Variants in RABGAP1L observed in about 807,000 individuals in gnomAD.
RABGAP1L encodes the protein RAB GTPase activating protein 1 like, also known as rab GTPase-activating protein 1-like.
RABGAP1L carries 63 observed loss-of-function variants against 137.7 expected under a neutral mutation model. The observed-to-expected ratio is 0.46, with a 90% CI of 0.37 to 0.56. The LOEUF is 0.56. RABGAP1L is among the 20% of genes least tolerant of loss of function. The pLI, the probability that RABGAP1L is intolerant of heterozygous loss-of-function variation, is 0.00. For synonymous variants in RABGAP1L, 431 were observed against 433.7 expected (o/e 0.99, Z 0.08); for missense variants, 1,095 against 1,244.0 (o/e 0.88, Z 1.80).
intron 12 of RABGAP1L, among the ~76,000 whole-genome samples, chr1:174,384,414 G>A (rs577328426): frequency 1.6e-4 from 24 of 151,300 alleles, no homozygotes; most frequent in African/African-American, 5.1e-4. Context: ...ATTTTACTCT[G>A]TATAAATTGT....
At chr1:174,377,865 A>G (rs1685700298) in intron 12 of RABGAP1L, among the ~76,000 whole-genome samples, 1 of 142,652 alleles carries the variant, frequency 7.0e-6, no homozygotes, top group Admixed American at 7.0e-5. Flanking sequence ...TACATGTGCC[A>G]TGCTGGTGCG....
At chr1:174,975,277 A>G (rs1670550849) in intron 21 of RABGAP1L, among the ~76,000 whole-genome samples, 2 of 152,194 alleles carry the variant, frequency 1.3e-5, no homozygotes, top group African/African-American at 2.4e-5. Flanking sequence ...TAAGGGAAAT[A>G]TGAGAGATTT....
chr1:174,663,063 A>G (rs1676507873), intron 14 of RABGAP1L, among the ~76,000 whole-genome samples: 1 of 152,232 alleles, frequency 6.6e-6, no homozygotes, highest in Admixed American at 6.5e-5. Flanking sequence ...GAAGAAAAAT[A>G]TTTTAAAATA....
chr1:174,874,460 C>T (rs1056996799), intron 19 of RABGAP1L: 151 of 984,986 alleles, frequency 1.5e-4, no homozygotes, highest in African/African-American at 2.5e-4. Context: ...ATTTGGTTAC[C>T]GGGAGTGTGG....
chr1:174,172,535 A>G (rs927311612), intron 1 of RABGAP1L, among the ~76,000 whole-genome samples: 2 of 152,208 alleles, frequency 1.3e-5, no homozygotes, highest in Non-Finnish European at 2.9e-5. Flanking sequence ...GATAATAGCC[A>G]TCCAAACAGG....
chr1:174,601,648 AAAAAT>A (rs1254762442), intron 13 of RABGAP1L, among the ~76,000 whole-genome samples: 3 of 152,176 alleles, frequency 2.0e-5, no homozygotes, highest in East Asian at 1.9e-4. Flanking sequence ...AGTATAATTT[AAAAAT>A]AAAATAAATA....
chr1:174,283,494 C>T (rs931624234), intron 10 of RABGAP1L, among the ~76,000 whole-genome samples: 1 of 150,628 alleles, frequency 6.6e-6, no homozygotes. Flanking sequence ...GGAAGAGTTG[C>T]TGTTTTTTTT....
chr1:174,599,961 A>G (rs1345016432), intron 13 of RABGAP1L, among the ~76,000 whole-genome samples: 1 of 152,080 alleles, frequency 6.6e-6, no homozygotes, highest in East Asian at 1.9e-4. Context: ...GGCCCCATGT[A>G]TTAGTCTGTT....
intron 7 of RABGAP1L, among the ~76,000 whole-genome samples, chr1:174,258,502 T>C (rs1439195749): frequency 6.6e-6 from 1 of 152,210 alleles, no homozygotes; most frequent in Non-Finnish European, 1.5e-5. Context: ...CTGCCCAGGC[T>C]GGTCTTGAAC....
chr1:174,398,789 T>C (rs541902819), intron 13 of RABGAP1L, among the ~76,000 whole-genome samples: 5 of 152,274 alleles, frequency 3.3e-5, no homozygotes, highest in African/African-American at 9.6e-5. Flanking sequence ...AAAATAGGTA[T>C]TGAGTAGAAA....
chr1:174,611,279 G>C (rs1437947639), intron 13 of RABGAP1L, among the ~76,000 whole-genome samples: 1 of 150,650 alleles, frequency 6.6e-6, no homozygotes, highest in African/African-American at 2.4e-5. Context: ...CACATGGCTA[G>C]CCAGTTTTCC....
chr1:174,284,301 G>C (rs2148697639), intron 10 of RABGAP1L, among the ~76,000 whole-genome samples: 1 of 152,246 alleles, frequency 6.6e-6, no homozygotes, highest in African/African-American at 2.4e-5. Flanking sequence ...GTTTCTATGA[G>C]TTTAACTTTT....
chr1:174,674,961 T>C (rs1472812180), intron 14 of RABGAP1L, among the ~76,000 whole-genome samples: 1 of 151,910 alleles, frequency 6.6e-6, no homozygotes, highest in East Asian at 1.9e-4. Context: ...TAAATTTGTT[T>C]GAGTTCATTG....
intron 14 of RABGAP1L, among the ~76,000 whole-genome samples, chr1:174,676,764 A>G (rs1677659049): frequency 6.6e-6 from 1 of 152,182 alleles, no homozygotes; most frequent in Non-Finnish European, 1.5e-5. Context: ...AACTGGTGTA[A>G]TAGATTAATA....
At chr1:174,952,377 G>A (rs945455805) in intron 19 of RABGAP1L, among the ~76,000 whole-genome samples, 1 of 147,716 alleles carries the variant, frequency 6.8e-6, no homozygotes, top group African/African-American at 2.5e-5. Context: ...TAGGCATGGT[G>A]GTGTGCCCCT....
intron 1 of RABGAP1L, among the ~76,000 whole-genome samples, chr1:174,200,974 C>T (rs1339822408): frequency 6.6e-6 from 1 of 152,066 alleles, no homozygotes; most frequent in African/African-American, 2.4e-5. Context: ...TTTTCTTGTC[C>T]CTTCAGTAGC....
intron 13 of RABGAP1L, among the ~76,000 whole-genome samples, chr1:174,628,140 T>C (rs1673057991): frequency 6.6e-6 from 1 of 152,200 alleles, no homozygotes; most frequent in Admixed American, 6.5e-5. Flanking sequence ...TGTGTATTAG[T>C]TGATAAAAGC....
At chr1:174,222,356 A>G (rs1234468180) in intron 3 of RABGAP1L, among the ~76,000 whole-genome samples, 1 of 152,194 alleles carries the variant, frequency 6.6e-6, no homozygotes, top group Admixed American at 6.5e-5. Flanking sequence ...CAGGGTAAGT[A>G]TAGGTATAGC....
chr1:174,640,032 T>C (rs1433055978), intron 14 of RABGAP1L, among the ~76,000 whole-genome samples: 1 of 152,148 alleles, frequency 6.6e-6, no homozygotes, highest in Non-Finnish European at 1.5e-5. Flanking sequence ...TTTGTGAAGA[T>C]GTAGAAAACA....
Sources: gnomAD v4.1 joint callset for allele counts (sites outside exome capture counted in the v4.1 genomes callset) on GRCh38, gnomAD v4.1.1 for gene constraint, MANE v1.5 for transcripts, NCBI Gene and HGNC (gene_info 2026-07-23, HGNC 2026-07-21) for gene names.